The following BAZ2B variants were observed in gnomAD, a reference collection of about 807,000 sequenced individuals.
The protein encoded by BAZ2B is bromodomain adjacent to zinc finger domain 2B.
BAZ2B carries 91 observed loss-of-function variants against 246.0 expected under a neutral mutation model. The observed-to-expected ratio is 0.37, with a 90% CI of 0.31 to 0.44. BAZ2B has a LOEUF of 0.44. Ranked by LOEUF, BAZ2B falls within the 20% of genes least tolerant of loss-of-function variation. BAZ2B has a pLI of 1.00. For missense variants in BAZ2B, 2,332 were observed against 2,533.7 expected (o/e 0.92, Z 1.71); for synonymous variants, 855 against 860.0 (o/e 0.99, Z 0.10).
intron 4 of BAZ2B, among the ~76,000 whole-genome samples, chr2:159,449,097 T>C (rs187129641): frequency 6.6e-6 from 1 of 152,308 alleles, no homozygotes; most frequent in East Asian, 1.9e-4. Flanking sequence ...CTTCCACTCA[T>C]TAATTACAGA....
the BAZ2B span, among the ~76,000 whole-genome samples, chr2:159,675,253 T>A: frequency 5.9e-5 from 9 of 152,150 alleles, no homozygotes; most frequent in African/African-American, 1.4e-4. Flanking sequence ...ATATTAAAAA[T>A]TTTTTAAAGT....
chr2:159,337,690 T>C lies in BAZ2B; in HGVS notation c.5537A>G (p.Glu1846Gly), dbSNP rs766780161. 7 of 1,614,208 alleles carry C rather than the reference T, an allele frequency of 4.3e-6. No individual in the cohort carries two copies. Among genetic ancestry groups the C allele is most frequent in the Non-Finnish European group, 5.1e-6 (6 of 1,180,036 alleles). ...EHKSFTKLCKEHDGEFTGEDE... is the reference protein window; with the variant it reads ...EHKSFTKLCKGHDGEFTGEDE... ...TTCGCCAGTAAATTCTCCATCATGC[T>C]CCTTGCACAATTTAGTAAATGATTT... Residue 1846 changes from glutamate (E) to glycine (G), a missense_variant, in exon 32 of 37, where the codon GAG (glutamate) becomes GGG (glycine). Transcript: ENST00000392783.
chr2:159,463,146 C>T, intron 3 of BAZ2B: 1 of 638,496 alleles, frequency 1.6e-6, no homozygotes, highest in Non-Finnish European at 2.9e-6. Context: ...TACATAGTAG[C>T]CGAATATCAC....
intron 1 of BAZ2B, among the ~76,000 whole-genome samples, chr2:159,585,661 TCTA>T (rs1687861141): frequency 6.6e-6 from 1 of 152,258 alleles, no homozygotes; most frequent in African/African-American, 2.4e-5. Flanking sequence ...TTAACAGACT[TCTA>T]CTTTCTCCTT....
At chr2:159,687,332 G>T in the BAZ2B span, among the ~76,000 whole-genome samples, 2 of 152,058 alleles carry the variant, frequency 1.3e-5, no homozygotes, top group Admixed American at 1.3e-4. Context: ...GATAGAGGCT[G>T]GTTGCCAGGG....
chr2:159,538,991 C>T (rs1186305564), intron 2 of BAZ2B, among the ~76,000 whole-genome samples: 3 of 152,206 alleles, frequency 2.0e-5, no homozygotes, highest in Non-Finnish European at 4.4e-5. Flanking sequence ...ACTGTTTTTA[C>T]ATATTTTTTG....
At chr2:159,377,648 A>C (rs921941130) in intron 25 of BAZ2B, among the ~76,000 whole-genome samples, 1 of 151,976 alleles carries the variant, frequency 6.6e-6, no homozygotes, top group African/African-American at 2.4e-5. Flanking sequence ...CCCTGTCTCT[A>C]CTAAAAATAC....
At chr2:159,371,880 C>G (rs1475422632) in intron 27 of BAZ2B, among the ~76,000 whole-genome samples, 2 of 152,180 alleles carry the variant, frequency 1.3e-5, no homozygotes, top group Non-Finnish European at 2.9e-5. Flanking sequence ...AGAATCCTAA[C>G]ATTATTAGAG....
At chr2:159,408,325 A>G (rs1363180087) in intron 14 of BAZ2B, among the ~76,000 whole-genome samples, 1 of 152,098 alleles carries the variant, frequency 6.6e-6, no homozygotes, top group Non-Finnish European at 1.5e-5. Context: ...GGAGTGCACC[A>G]CTTTACCCAG....
At chr2:159,462,719 AACTTC>A (rs1360419728) in intron 3 of BAZ2B, 2 of 1,411,122 alleles carry the variant, frequency 1.4e-6, no homozygotes, top group Non-Finnish European at 2.0e-6. Flanking sequence ...TGTGATGGTA[AACTTC>A]CACTCTGATC....
chr2:159,538,576 G>C (rs2086287602), intron 2 of BAZ2B, among the ~76,000 whole-genome samples: 1 of 152,192 alleles, frequency 6.6e-6, no homozygotes, highest in Non-Finnish European at 1.5e-5. Context: ...ACTTATGAAA[G>C]TGTCTGCTTA....
intron 1 of BAZ2B, among the ~76,000 whole-genome samples, chr2:159,569,840 C>A (rs538423482): frequency 1.3e-4 from 19 of 151,974 alleles, no homozygotes; most frequent in African/African-American, 4.6e-4. Context: ...AAAAAAAGTA[C>A]ATAAATGAAA....
chr2:159,539,413 C>A (rs2086391716), intron 2 of BAZ2B, among the ~76,000 whole-genome samples: 1 of 152,110 alleles, frequency 6.6e-6, no homozygotes, highest in African/African-American at 2.4e-5. Flanking sequence ...AAGAATGCAA[C>A]CAAAAATATA....
At chr2:159,471,349 C>G (rs1029875270) in intron 3 of BAZ2B, among the ~76,000 whole-genome samples, 3 of 152,250 alleles carry the variant, frequency 2.0e-5, no homozygotes, top group Middle Eastern at 6.8e-3. Flanking sequence ...CATCTGTAAT[C>G]CCAACACTTC....
chr2:159,472,218 C>T (rs186608860), intron 3 of BAZ2B, among the ~76,000 whole-genome samples: 8 of 152,282 alleles, frequency 5.3e-5, no homozygotes, highest in Admixed American at 5.2e-4. Context: ...TTCTTTGTAA[C>T]AATTGTGAAT....
At chr2:159,327,617 G>A (rs1001151362) in intron 34 of BAZ2B, among the ~76,000 whole-genome samples, 1 of 152,084 alleles carries the variant, frequency 6.6e-6, no homozygotes, top group Non-Finnish European at 1.5e-5. Flanking sequence ...ATATAATGAA[G>A]AAAAAGTCCA....
At chr2:159,467,450 C>T (rs1258303294) in intron 3 of BAZ2B, among the ~76,000 whole-genome samples, 5 of 152,130 alleles carry the variant, frequency 3.3e-5, no homozygotes, top group East Asian at 1.9e-4. Context: ...CAGGAAGCTG[C>T]GGGGGCCAGT....
intron 14 of BAZ2B, among the ~76,000 whole-genome samples, chr2:159,407,400 A>T (rs1398096746): frequency 6.6e-6 from 1 of 152,090 alleles, no homozygotes; most frequent in Non-Finnish European, 1.5e-5. Flanking sequence ...TGATCCCGGG[A>T]GGAAGAGGTT....
At chr2:159,630,249 G>A in the BAZ2B span, among the ~76,000 whole-genome samples, 1 of 152,182 alleles carries the variant, frequency 6.6e-6, no homozygotes, top group Non-Finnish European at 1.5e-5. Flanking sequence ...CTTGAGCCCA[G>A]GAGTTCAAGG....
Sources: allele counts gnomAD v4.1 joint callset (sites outside exome capture counted in the v4.1 genomes callset), GRCh38; gene constraint gnomAD v4.1.1; transcripts MANE v1.5; gene names NCBI Gene and HGNC (gene_info 2026-07-23, HGNC 2026-07-21).